Variants in SLC44A5 observed in about 807,000 individuals in gnomAD.
The protein encoded by SLC44A5 is choline transporter-like protein 5.
A neutral mutation model predicts 101.8 loss-of-function variants in SLC44A5; 57 were observed. The ratio of observed to expected loss-of-function variants is 0.56; its 90% CI spans 0.45 to 0.70. The LOEUF (loss-of-function observed/expected upper bound fraction) is 0.70, where lower values mean the gene tolerates loss of function less well. Among genes scored for constraint, SLC44A5 ranks in the 30% least tolerant of loss-of-function variants. SLC44A5 has a pLI of 0.00. For synonymous variants in SLC44A5, 281 were observed against 290.9 expected, an observed-to-expected ratio of 0.97 and a Z score of 0.35; for missense variants, 737 against 853.1, an observed-to-expected ratio of 0.86 and a Z score of 1.70.
intron 4 of SLC44A5, among the ~76,000 whole-genome samples, chr1:75,331,841 T>C (rs546025354): frequency 6.6e-6 from 1 of 152,270 alleles, no homozygotes; most frequent in South Asian, 2.1e-4. Flanking sequence ...ATCCTCAGAC[T>C]CTGCCTGACT....
At chr1:75,243,682 A>G (rs913062314) in intron 7 of SLC44A5, among the ~76,000 whole-genome samples, 6 of 152,118 alleles carry the variant, frequency 3.9e-5, no homozygotes, top group African/African-American at 1.4e-4. Context: ...ATAACACAAT[A>G]TCATAAGCAG....
chr1:75,420,781 TA>T (rs1337766121), intron 2 of SLC44A5, among the ~76,000 whole-genome samples: 2 of 152,026 alleles, frequency 1.3e-5, no homozygotes, highest in Non-Finnish European at 2.9e-5. Context: ...GACTGGTTTA[TA>T]AAAAAAATTT....
intron 3 of SLC44A5, among the ~76,000 whole-genome samples, chr1:75,372,309 T>G (rs1173856683): frequency 6.6e-6 from 1 of 152,116 alleles, no homozygotes; most frequent in African/African-American, 2.4e-5. Flanking sequence ...CCCTTTTTCC[T>G]TAAATTTACA....
At chr1:75,393,570 T>C (rs1661935697) in intron 3 of SLC44A5, among the ~76,000 whole-genome samples, 1 of 152,194 alleles carries the variant, frequency 6.6e-6, no homozygotes, top group South Asian at 2.1e-4. Context: ...GCTAATATAT[T>C]TGCTTTTGTG....
intron 2 of SLC44A5, among the ~76,000 whole-genome samples, chr1:75,515,924 G>A (rs998143450): frequency 1.3e-5 from 2 of 151,258 alleles, no homozygotes; most frequent in African/African-American, 2.4e-5. Flanking sequence ...TATCTTTTGT[G>A]TTTTTGATAA....
intron 16 of SLC44A5, 49 bp from the exon 17 acceptor site, chr1:75,218,801 A>G (rs753437900): frequency 2.0e-6 from 3 of 1,533,596 alleles, no homozygotes; most frequent in South Asian, 2.5e-5. Flanking sequence ...ATATCACTCC[A>G]AGATAACAAC....
At chr1:75,397,922 A>T (rs1662227362) in intron 2 of SLC44A5, among the ~76,000 whole-genome samples, 1 of 152,164 alleles carries the variant, frequency 6.6e-6, no homozygotes, top group African/African-American at 2.4e-5. Context: ...ATGCTGACCC[A>T]CATTCATTAG....
intron 3 of SLC44A5, among the ~76,000 whole-genome samples, chr1:75,341,859 C>T (rs1444724827): frequency 2.6e-5 from 4 of 152,158 alleles, no homozygotes; most frequent in African/African-American, 9.7e-5. Context: ...TTTAGGGGTA[C>T]AAGATTCCAA....
At chr1:75,511,925 T>C (rs943732134) in intron 2 of SLC44A5, among the ~76,000 whole-genome samples, 2 of 152,118 alleles carry the variant, frequency 1.3e-5, no homozygotes, top group African/African-American at 4.8e-5. Flanking sequence ...CTCAACTACA[T>C]AGCTAGGACA....
At chr1:75,653,277 T>A in the SLC44A5 span, among the ~76,000 whole-genome samples, 1 of 151,878 alleles carries the variant, frequency 6.6e-6, no homozygotes, top group Non-Finnish European at 1.5e-5. Flanking sequence ...AGGTCAGGAG[T>A]GTGAGACCAG....
intron 4 of SLC44A5, among the ~76,000 whole-genome samples, chr1:75,332,667 A>G (rs562355428): frequency 6.6e-6 from 1 of 152,306 alleles, no homozygotes; most frequent in South Asian, 2.1e-4. Context: ...AGAGCCACTT[A>G]TTAGGGATGT....
chr1:75,234,067 T>G lies in SLC44A5; in HGVS notation c.772A>C (p.Ile258Leu). 1 of 1,613,406 alleles carries G rather than the reference T, an allele frequency of 6.2e-7. No homozygotes were observed. The highest frequency in any genetic ancestry group is 1.7e-4 in the Middle Eastern group (1 of 6,056). ...GLTIAMVLSW[I>L]FLILLRFIAG... ...ATGAACCTCAGAAGTATCAAAAATA[T>G]CCAACTAAGGACCATGGCAATCGTC... Residue 258 changes from isoleucine to leucine, a missense_variant, in exon 12 of 24, where the codon ATA becomes CTA. Ile to Leu is a conservative substitution (Grantham distance 5). This residue lies in a region of SLC44A5 where 665 missense variants were observed against 764.4 expected (regional missense o/e 0.87). Transcript: ENST00000370859.
intron 2 of SLC44A5, among the ~76,000 whole-genome samples, chr1:75,487,466 C>T (rs912511492): frequency 6.6e-6 from 1 of 152,114 alleles, no homozygotes; most frequent in African/African-American, 2.4e-5. Flanking sequence ...GAAAAGTGTG[C>T]ATCACACATA....
intron 2 of SLC44A5, among the ~76,000 whole-genome samples, chr1:75,422,149 A>G (rs1340063810): frequency 1.3e-5 from 2 of 152,198 alleles, no homozygotes; most frequent in African/African-American, 2.4e-5. Flanking sequence ...TGGACATGAA[A>G]TGCCCTTTGA....
At chr1:75,303,280 G>A (rs1410634160) in intron 4 of SLC44A5, among the ~76,000 whole-genome samples, 1 of 152,082 alleles carries the variant, frequency 6.6e-6, no homozygotes, top group Non-Finnish European at 1.5e-5. Context: ...CTGTCACCCA[G>A]GCTGGAGTGC....
At chr1:75,252,579 T>C (rs528268634) in intron 6 of SLC44A5, among the ~76,000 whole-genome samples, 5 of 152,132 alleles carry the variant, frequency 3.3e-5, no homozygotes, top group Admixed American at 1.3e-4. Context: ...TCTTCCAAAT[T>C]CCAAGTTATA....
At chr1:75,372,763 A>G (rs1298684390) in intron 3 of SLC44A5, among the ~76,000 whole-genome samples, 1 of 152,232 alleles carries the variant, frequency 6.6e-6, no homozygotes, top group Admixed American at 6.5e-5. Flanking sequence ...TTAAAATTTG[A>G]CATTGGAAAA....
chr1:75,424,823 TTTC>T (rs1417921378), intron 2 of SLC44A5, among the ~76,000 whole-genome samples: 1 of 152,198 alleles, frequency 6.6e-6, no homozygotes, highest in Non-Finnish European at 1.5e-5. Flanking sequence ...CTCAATATAA[TTTC>T]TTCTTATAAA....
At chr1:75,251,775 A>C (rs908017788) in intron 6 of SLC44A5, among the ~76,000 whole-genome samples, 1 of 152,212 alleles carries the variant, frequency 6.6e-6, no homozygotes, top group Non-Finnish European at 1.5e-5. Context: ...ATAAATATAC[A>C]TTACTTTGGT....
Sources: allele counts gnomAD v4.1 joint callset (sites outside exome capture counted in the v4.1 genomes callset), GRCh38; gene constraint gnomAD v4.1.1; regional missense constraint gnomAD v4.1.1; transcripts MANE v1.5; gene names NCBI Gene and HGNC (gene_info 2026-07-23, HGNC 2026-07-21).